ABCC5: variants seen among roughly 807,000 people sequenced by gnomAD.
The protein encoded by ABCC5 is ATP-binding cassette sub-family C member 5.
Under a neutral mutation model 160.9 loss-of-function variants are expected in ABCC5, and 61 were observed. The ratio of observed to expected loss-of-function variants is 0.38; its 90% CI spans 0.31 to 0.47. The LOEUF (loss-of-function observed/expected upper bound fraction) is 0.47. ABCC5 is among the 20% of genes least tolerant of loss of function. The pLI is 0.99. For missense variants in ABCC5, 1,308 were observed against 1,813.3 expected (o/e 0.72, Z 5.06); for synonymous variants, 666 against 700.6 (o/e 0.95, Z 0.78).
At chr3:183,984,023 C>T in intron 5 of ABCC5, 1 of 985,318 alleles carries the variant, frequency 1.0e-6, no homozygotes, top group Non-Finnish European at 1.2e-6. Flanking sequence ...AGTGAGGGCT[C>T]CTGAGGTTGC....
chr3:183,956,437 T>A (rs534636830), intron 17 of ABCC5, among the ~76,000 whole-genome samples: 75 of 151,790 alleles, frequency 4.9e-4, no homozygotes, highest in Non-Finnish European at 5.3e-4. Flanking sequence ...TACATGCAGA[T>A]CCGTGTGTAA....
At position 184,012,012 on chromosome 3, in the gene ABCC5, A is replaced by AC. The variant is rs1282994432; in HGVS notation, c.129+2251dup. On this transcript the variant is annotated intron_variant, in intron 2 of 29. Coordinates refer to ENST00000334444, the MANE Select transcript of ABCC5 (RefSeq NM_005688.4). ...TACACCTTTAAAAAATGCATAGAAC[A>AC]CAACACACACACACACACACACACA... is the stretch of plus-strand genomic sequence containing the variant. Among the ~76,000 whole-genome samples the AC allele has an allele frequency of 8.9e-5, 7 of 78,654 alleles. No individual in the cohort carries two copies. The East Asian group carries it at 1.9e-3, about 21-fold the overall frequency. 51.6% of individuals were successfully genotyped at this position (78,654 alleles called of 152,430 possible).
At chr3:183,974,096 T>C (rs1375867787) in intron 10 of ABCC5, among the ~76,000 whole-genome samples, 1 of 152,150 alleles carries the variant, frequency 6.6e-6, no homozygotes, top group East Asian at 1.9e-4. Context: ...TTTGCACCTG[T>C]CAGAACAACA....
intron 5 of ABCC5, chr3:183,986,104 C>T (rs1386943386): frequency 1.3e-5 from 2 of 152,978 alleles, no homozygotes; most frequent in Non-Finnish European, 2.9e-5. Context: ...TTTAAGTCCA[C>T]AGACAGGAGG....
Position 183,967,711 on chromosome 3 carries a change from G to A in ABCC5, c.1817C>T (p.Ser606Leu), listed in dbSNP as rs1437899062. 2 of 1,613,766 alleles carry A rather than the reference G, an allele frequency of 1.2e-6. No homozygotes were observed. Among genetic ancestry groups the A allele is most frequent in the African/African-American group, 2.7e-5 (2 of 75,014 alleles). ...SVGSGKTSLI[S>L]AILGQMTLLE... is the part of the protein sequence containing the mutation. ...AAATCTTACCTGGCCTAAAATGGCTGAAATGAGAGAGGTTTTTCCACTTCC... is the reference window on the plus strand; with the variant it reads ...AAATCTTACCTGGCCTAAAATGGCTAAAATGAGAGAGGTTTTTCCACTTCC... The change falls in exon 12 of 30, where the codon TCA becomes TTA. Residue 606 changes from serine to leucine, a missense_variant. Physicochemically the swap from Ser to Leu is moderately radical, Grantham distance 145. This residue lies in a region of ABCC5 where 1,142 missense variants were observed against 1,527.1 expected (regional missense o/e 0.75). Coordinates refer to ENST00000334444, the MANE Select transcript of ABCC5 (RefSeq NM_005688.4).
Position 183,977,558 on chromosome 3 carries a change from TTACTGAAAACGGTG to T in ABCC5, c.1349_1362del (p.Thr450LysfsTer11). Reference sequence around the variant, plus strand: ...GCCACTGAGGCTTCTGAGAGGGACTTTACTGAAAACGGTGTTACTTTCAAAGCAAAAGTCATGGA... The same window carrying T: ...GCCACTGAGGCTTCTGAGAGGGACTTTTACTTTCAAAGCAAAAGTCATGGA... On this transcript the variant is annotated frameshift_variant, in exon 10 of 30. Coordinates refer to ENST00000334444, the MANE Select transcript of ABCC5 (RefSeq NM_005688.4). LOFTEE classifies it high-confidence loss of function. The T allele has an allele frequency of 6.2e-7, 1 of 1,614,056 alleles. No individual in the cohort carries two copies. The highest frequency in any genetic ancestry group is 8.5e-7 in the Non-Finnish European group (1 of 1,179,960).
chr3:183,947,185 A>T, intron 23 of ABCC5, 139 bp downstream of exon 23: 1 of 939,288 alleles, frequency 1.1e-6, no homozygotes, highest in Non-Finnish European at 1.5e-6. Context: ...GTTACGGTCA[A>T]ATCAGACCAT....
Position 183,981,762 on chromosome 3 carries a change from T to G in ABCC5, c.1112A>C (p.Tyr371Ser), listed in dbSNP as rs750250798. The G allele has an allele frequency of 6.2e-7, 1 of 1,610,648 alleles. No individual in the cohort carries two copies. Among genetic ancestry groups the G allele is most frequent in the African/African-American group, 1.3e-5 (1 of 74,788 alleles). ...CTGAGAAAATGCTTTGACCCAGGCATACATTTTGATAAATTTAATGTAAGT... is the reference window on the plus strand; with the variant it reads ...CTGAGAAAATGCTTTGACCCAGGCAGACATTTTGATAAATTTAATGTAAGT... ...VLTYIKFIKMYAWVKAFSQSV... is the reference protein window; with the variant it reads ...VLTYIKFIKMSAWVKAFSQSV... Residue 371 changes from tyrosine to serine, a missense_variant, in exon 8 of 30, where the codon TAT (tyrosine) becomes TCT (serine). By Grantham distance (144) the Tyr-to-Ser change is moderately radical. This residue lies in a region of ABCC5 where 1,142 missense variants were observed against 1,527.1 expected (regional missense o/e 0.75). Transcript: ENST00000334444.
intron 8 of ABCC5, among the ~76,000 whole-genome samples, chr3:183,980,776 G>A (rs1211921241): frequency 3.3e-5 from 5 of 150,282 alleles, no homozygotes; most frequent in African/African-American, 1.2e-4. Context: ...GTAATGGTGT[G>A]ATCTCAGCTC....
chr3:183,977,136 T>C (rs909488256), intron 10 of ABCC5, among the ~76,000 whole-genome samples: 1 of 152,114 alleles, frequency 6.6e-6, no homozygotes, highest in Non-Finnish European at 1.5e-5. Context: ...TCAATCAAAG[T>C]GACAGTAGCA....
In ABCC5 at chr3:184,017,656, G is replaced by C. The variant is rs1722304145; in HGVS notation, c.-56+174C>G. On this transcript the variant is annotated intron_variant, in intron 1 of 29. Coordinates refer to ENST00000334444, the MANE Select transcript of ABCC5 (RefSeq NM_005688.4). This position sits in a 1 kb window ranked among gnomAD's most constrained non-coding sequence, Gnocchi z 4.5. Reference sequence around the variant, plus strand: ...ACCAGACCCCGGGCTCACAGGCCTAGGAGGCGGCGGCAGGAGACCAGGGGG... The same window carrying C: ...ACCAGACCCCGGGCTCACAGGCCTACGAGGCGGCGGCAGGAGACCAGGGGG... Among the ~76,000 whole-genome samples, 1 of 152,190 alleles carries C rather than the reference G, an allele frequency of 6.6e-6. No homozygotes were observed. The highest frequency in any genetic ancestry group is 6.5e-5 in the Admixed American group (1 of 15,288).
At chr3:183,942,066 G>C (rs1000087614) in intron 25 of ABCC5, among the ~76,000 whole-genome samples, 1 of 151,474 alleles carries the variant, frequency 6.6e-6, no homozygotes, top group East Asian at 2.0e-4. Flanking sequence ...TTGAGACGGA[G>C]TCTCGCTCTG....
At position 183,953,960 on chromosome 3, in the gene ABCC5, T is replaced by G. The variant is rs73046562; in HGVS notation, c.2483-690A>C. ...GGTGACAGGTGTGTCTGACTTCTGTTGGGCTAGGAAGGACCTGGGATGGCT... is the reference window on the plus strand; with the variant it reads ...GGTGACAGGTGTGTCTGACTTCTGTGGGGCTAGGAAGGACCTGGGATGGCT... On this transcript the variant is annotated intron_variant, in intron 17 of 29. Transcript: ENST00000334444. Among the ~76,000 whole-genome samples the G allele has an allele frequency of 3.8e-3, 580 of 152,322 alleles. 7 individuals are homozygous for G. Among genetic ancestry groups the G allele is most frequent in the African/African-American group, 0.013 (541 of 41,568 alleles).
chr3:183,962,440 T>C (rs1716846104), intron 15 of ABCC5, among the ~76,000 whole-genome samples: 2 of 151,878 alleles, frequency 1.3e-5, no homozygotes, highest in African/African-American at 4.8e-5. Context: ...GACTATCTGG[T>C]CCAAAACATC....
chr3:184,004,991 G>A (rs4148569), intron 2 of ABCC5, among the ~76,000 whole-genome samples: 7,172 of 152,236 alleles, frequency 0.047, 252 homozygotes, highest in East Asian at 0.17. Flanking sequence ...AGGTACAGCT[G>A]TCAGTGTCGT....
At chr3:183,969,691 CA>C (rs35014671) in intron 11 of ABCC5, among the ~76,000 whole-genome samples, 8,602 of 70,646 alleles carry the variant, frequency 0.12, 197 homozygotes, top group East Asian at 0.22. Flanking sequence ...GACTCTGTCT[CA>C]AAAAAAAAAA....
chr3:183,992,369 C>G (rs1434874537), intron 2 of ABCC5, among the ~76,000 whole-genome samples: 1 of 152,152 alleles, frequency 6.6e-6, no homozygotes, highest in Non-Finnish European at 1.5e-5. Context: ...GAACAAGACT[C>G]TATCTCTTTA....
At chr3:184,009,142 G>A (rs1721480286) in intron 2 of ABCC5, among the ~76,000 whole-genome samples, 2 of 152,184 alleles carry the variant, frequency 1.3e-5, no homozygotes, top group Admixed American at 1.3e-4. Flanking sequence ...TGGGACTACA[G>A]GCGTGAGGCA....
At chr3:183,925,071 G>A (rs1209866797) in intron 29 of ABCC5, among the ~76,000 whole-genome samples, 1 of 152,230 alleles carries the variant, frequency 6.6e-6, no homozygotes, top group African/African-American at 2.4e-5. Flanking sequence ...AAACAACAGG[G>A]TAAGAAGTTT....
Sources: allele counts gnomAD v4.1 joint callset (sites outside exome capture counted in the v4.1 genomes callset), GRCh38; gene constraint gnomAD v4.1.1; regional missense constraint gnomAD v4.1.1; non-coding constraint Gnocchi (gnomAD v3.1); transcripts MANE v1.5; gene names NCBI Gene and HGNC (gene_info 2026-07-23, HGNC 2026-07-21).